Variants in PLXDC2 observed in about 807,000 individuals in gnomAD.
PLXDC2 encodes plexin domain containing 2.
A neutral mutation model predicts 68.9 loss-of-function variants in PLXDC2; 40 were observed. The observed-to-expected ratio is 0.58, with a 90% CI of 0.45 to 0.76. The LOEUF (loss-of-function observed/expected upper bound fraction) is 0.76, where lower values mean the gene tolerates loss of function less well. Among genes scored for constraint, PLXDC2 ranks in the 30% least tolerant of loss-of-function variants. The pLI, the probability that PLXDC2 is intolerant of heterozygous loss-of-function variation, is 0.00. For missense variants in PLXDC2, 644 were observed against 661.9 expected (o/e 0.97, Z 0.30); for synonymous variants, 243 against 234.2 (o/e 1.04, Z -0.34).
chr10:20,127,788 A>G (rs1474229149), intron 4 of PLXDC2, among the ~76,000 whole-genome samples: 1 of 152,144 alleles, frequency 6.6e-6, no homozygotes, highest in Admixed American at 6.6e-5. Context: ...CCAGGAGTTC[A>G]ACTCCAGCCT....
chr10:20,146,925 T>A (rs1010621587), intron 5 of PLXDC2, among the ~76,000 whole-genome samples: 3 of 152,144 alleles, frequency 2.0e-5, no homozygotes, highest in African/African-American at 7.2e-5. Context: ...TCAGCACAAC[T>A]TTTTTGGGCA....
intron 9 of PLXDC2, among the ~76,000 whole-genome samples, chr10:20,182,262 A>G (rs1256482273): frequency 1.3e-5 from 2 of 152,006 alleles, no homozygotes; most frequent in African/African-American, 4.8e-5. Flanking sequence ...ACCTGGTACC[A>G]CCACCTTATG....
chr10:20,111,454 T>G (rs1194826965), intron 4 of PLXDC2, among the ~76,000 whole-genome samples: 1 of 152,194 alleles, frequency 6.6e-6, no homozygotes, highest in Non-Finnish European at 1.5e-5. Context: ...ATCTTGTGAT[T>G]CAGAAAAAAA....
chr10:20,229,058 G>A (rs556112790), intron 12 of PLXDC2, among the ~76,000 whole-genome samples: 29 of 152,242 alleles, frequency 1.9e-4, no homozygotes, highest in African/African-American at 6.7e-4. Flanking sequence ...GGGAAGTAGA[G>A]ATTCTTAATG....
intron 4 of PLXDC2, among the ~76,000 whole-genome samples, chr10:20,122,261 A>G (rs1444047393): frequency 6.6e-6 from 1 of 152,188 alleles, no homozygotes; most frequent in East Asian, 1.9e-4. Flanking sequence ...CACCACAGTT[A>G]TGGAAGCAAG....
At chr10:19,917,031 A>G in intron 1 of PLXDC2, among the ~76,000 whole-genome samples, 1 of 152,228 alleles carries the variant, frequency 6.6e-6, no homozygotes, top group East Asian at 1.9e-4. Context: ...GCTCACTGGT[A>G]GGTGTGGCTT....
intron 1 of PLXDC2, among the ~76,000 whole-genome samples, chr10:19,924,979 C>A (rs78397177): frequency 0.037 from 5,619 of 152,216 alleles, 215 homozygotes; most frequent in East Asian, 0.16. Context: ...TCGGTTACCT[C>A]GCCATGCTTT....
intron 7 of PLXDC2, among the ~76,000 whole-genome samples, chr10:20,168,757 AT>A (rs1272150192): frequency 3.9e-5 from 6 of 152,096 alleles, no homozygotes; most frequent in Admixed American, 3.9e-4. Flanking sequence ...AAATATACTT[AT>A]TATGATTAGA....
At chr10:20,246,287 T>C (rs1027096956) in intron 13 of PLXDC2, among the ~76,000 whole-genome samples, 1 of 152,226 alleles carries the variant, frequency 6.6e-6, no homozygotes, top group African/African-American at 2.4e-5. Context: ...TGTGTGTCTG[T>C]GTGACGAAGT....
chr10:20,098,811 A>C (rs1833385403), intron 4 of PLXDC2, among the ~76,000 whole-genome samples: 1 of 152,166 alleles, frequency 6.6e-6, no homozygotes, highest in Non-Finnish European at 1.5e-5. Context: ...GAAAAGAATC[A>C]GATTGGGAGT....
intron 2 of PLXDC2, among the ~76,000 whole-genome samples, chr10:20,010,680 C>T (rs887191005): frequency 8.5e-5 from 13 of 152,098 alleles, no homozygotes; most frequent in African/African-American, 3.1e-4. Flanking sequence ...TTATTAACTG[C>T]ATTAGTCATA....
At chr10:19,960,190 CAAAAAAAA>C (rs33975315) in intron 1 of PLXDC2, among the ~76,000 whole-genome samples, 6 of 87,310 alleles carry the variant, frequency 6.9e-5, no homozygotes, top group South Asian at 4.5e-4. Flanking sequence ...GAGCTCGTCT[CAAAAAAAA>C]AAAAAAAAAA....
At chr10:20,038,605 T>C (rs1488278841) in intron 2 of PLXDC2, among the ~76,000 whole-genome samples, 2 of 152,232 alleles carry the variant, frequency 1.3e-5, no homozygotes, top group Non-Finnish European at 2.9e-5. Flanking sequence ...ATTGTTCTTA[T>C]CATGCTGAAA....
At chr10:19,878,212 T>C (rs1456898330) in intron 1 of PLXDC2, among the ~76,000 whole-genome samples, 1 of 152,126 alleles carries the variant, frequency 6.6e-6, no homozygotes, top group Non-Finnish European at 1.5e-5. Context: ...TTGATTTTTT[T>C]TTTTAAAGAG....
At chr10:20,207,359 T>G (rs1019172634) in intron 9 of PLXDC2, among the ~76,000 whole-genome samples, 3 of 152,230 alleles carry the variant, frequency 2.0e-5, no homozygotes, top group Non-Finnish European at 4.4e-5. Context: ...TTTAAAGGAC[T>G]AATTATTCCA....
At chr10:19,978,564 C>T (rs888309266) in intron 1 of PLXDC2, among the ~76,000 whole-genome samples, 1 of 152,126 alleles carries the variant, frequency 6.6e-6, no homozygotes, top group Non-Finnish European at 1.5e-5. Context: ...AATTTCACCC[C>T]AGTTCTGATG....
intron 1 of PLXDC2, among the ~76,000 whole-genome samples, chr10:19,897,540 G>C (rs143078038): frequency 2.6e-5 from 4 of 152,022 alleles, no homozygotes; most frequent in African/African-American, 9.7e-5. Context: ...CCACCACGCC[G>C]GGCCAATTCC....
intron 4 of PLXDC2, among the ~76,000 whole-genome samples, chr10:20,075,569 A>G (rs186092921): frequency 2.8e-4 from 42 of 152,242 alleles, no homozygotes. Context: ...GCTTTATTTC[A>G]TTAGCACTGG....
rs367989821 is a variant in PLXDC2 at position 20,206,105 on chromosome 10, T to C, written c.1062-5564T>C. ...CTTTATGTAATCTTTTCACATTACATACATATATCATAATATCACACTGTA... is the reference window on the plus strand; with the variant it reads ...CTTTATGTAATCTTTTCACATTACACACATATATCATAATATCACACTGTA... On this transcript the variant is annotated intron_variant, in intron 9 of 13. Coordinates refer to ENST00000377252, the MANE Select transcript of PLXDC2 (RefSeq NM_032812.9). Among the ~76,000 whole-genome samples, 145 of 152,242 alleles carry C rather than the reference T, an allele frequency of 9.5e-4. 1 individual carries two copies. The South Asian group carries it at 0.017, about 17-fold the overall frequency.
Sources: gnomAD v4.1 joint callset for allele counts (sites outside exome capture counted in the v4.1 genomes callset) on GRCh38, gnomAD v4.1.1 for gene constraint, MANE v1.5 for transcripts, NCBI Gene and HGNC (gene_info 2026-07-23, HGNC 2026-07-21) for gene names.